OSBPL8: variants seen among roughly 807,000 people sequenced by gnomAD.
OSBPL8 encodes the protein oxysterol binding protein like 8.
In OSBPL8, 59 loss-of-function variants were observed where a neutral mutation model predicts 125.5. That is an observed-to-expected ratio of 0.47 (90% confidence interval 0.38 to 0.58). The LOEUF is 0.58. Ranked by LOEUF, OSBPL8 falls within the 20% of genes least tolerant of loss-of-function variation. The pLI, the probability that OSBPL8 is intolerant of heterozygous loss-of-function variation, is 0.00. For missense variants in OSBPL8, 758 were observed against 1,047.8 expected, an observed-to-expected ratio of 0.72 and a Z score of 3.82; for synonymous variants, 330 against 338.9, an observed-to-expected ratio of 0.97 and a Z score of 0.29.
chr12:76,393,135 G>A (rs890993346), intron 9 of OSBPL8, among the ~76,000 whole-genome samples: 9 of 152,098 alleles, frequency 5.9e-5, no homozygotes, highest in African/African-American at 1.9e-4. Context: ...TTTGTTAATA[G>A]GAGGTCTATC....
intron 1 of OSBPL8, among the ~76,000 whole-genome samples, chr12:76,516,809 T>C (rs1881579847): frequency 6.7e-6 from 1 of 148,576 alleles, no homozygotes; most frequent in African/African-American, 2.5e-5. Flanking sequence ...TTCCTTTTCT[T>C]TTCTTTTCTT....
At chr12:76,467,851 C>T (rs1190817157) in intron 2 of OSBPL8, among the ~76,000 whole-genome samples, 2 of 152,174 alleles carry the variant, frequency 1.3e-5, no homozygotes, top group Non-Finnish European at 2.9e-5. Flanking sequence ...TCACCATACA[C>T]AGAAGACAGT....
chr12:76,389,584 T>C (rs1236776541), intron 12 of OSBPL8, 61 bp downstream of exon 12: 2 of 1,275,328 alleles, frequency 1.6e-6, no homozygotes, highest in South Asian at 1.9e-5. Flanking sequence ...GAAAATAGCA[T>C]TCTTGAGAAT....
At chr12:76,486,874 A>G (rs1481908402) in intron 2 of OSBPL8, among the ~76,000 whole-genome samples, 1 of 152,136 alleles carries the variant, frequency 6.6e-6, no homozygotes, top group Non-Finnish European at 1.5e-5. Context: ...ACTTAAGACA[A>G]AGAGGTTTTG....
intron 4 of OSBPL8, among the ~76,000 whole-genome samples, chr12:76,448,757 G>A (rs1367949468): frequency 6.6e-6 from 1 of 152,204 alleles, no homozygotes; most frequent in Non-Finnish European, 1.5e-5. Flanking sequence ...GCTCACGCCT[G>A]TAATCCCAGC....
chr12:76,538,059 G>A lies in OSBPL8; in HGVS notation c.-68+21338C>T, dbSNP rs540745842. On this transcript the variant is annotated intron_variant, in intron 1 of 23. Transcript: ENST00000261183. ...TGAGAAAGGCTGTTATATAGTGGCA[G>A]TCAGCTAACTAACAAGGTTTTATCT... 6 of 152,316 alleles carry A rather than the reference G, an allele frequency of 3.9e-5. No homozygotes were observed. In the East Asian group the frequency reaches 1.2e-3, roughly 29 times the overall value. The allele number at this position is 152,316 out of a possible 1,614,324, so 9.4% of individuals were successfully genotyped here.
chr12:76,433,406 T>C (rs1388295767), intron 4 of OSBPL8, among the ~76,000 whole-genome samples: 1 of 152,018 alleles, frequency 6.6e-6, no homozygotes, highest in African/African-American at 2.4e-5. Flanking sequence ...GTGGTGTTTC[T>C]ATACATAATG....
Position 76,390,457 on chromosome 12 carries a change from G to C in OSBPL8, c.1130C>G (p.Thr377Ser). The C allele has an allele frequency of 6.2e-7, 1 of 1,613,770 alleles. No homozygotes were observed. Among genetic ancestry groups the C allele is most frequent in the Non-Finnish European group, 8.5e-7 (1 of 1,179,798 alleles). ...TTCATGGCTCTGTTCAGTGTAGGTA[G>C]TCTCCTTTAAAGGCTCAACAGGCTC... Reference protein sequence around the residue: ...EPEPVEPLKETTYTEQSHEEL... With the variant: ...EPEPVEPLKESTYTEQSHEEL... Residue 377 changes from threonine to serine, a missense_variant, in exon 11 of 24, where the codon ACT becomes AGT. Coordinates refer to ENST00000261183, the MANE Select transcript of OSBPL8 (RefSeq NM_020841.5).
At chr12:76,519,572 T>C (rs11613568) in intron 1 of OSBPL8, among the ~76,000 whole-genome samples, 13,538 of 152,246 alleles carry the variant, frequency 0.089, 681 homozygotes, top group Admixed American at 0.12. Flanking sequence ...TGTATTATAC[T>C]GTTCTTGCAG....
chr12:76,424,336 G>C (rs1165091467), intron 4 of OSBPL8, among the ~76,000 whole-genome samples: 1 of 152,012 alleles, frequency 6.6e-6, no homozygotes, highest in Non-Finnish European at 1.5e-5. Flanking sequence ...ATTCTTTCTT[G>C]GGCAAAGGCA....
chr12:76,517,004 G>A (rs746455680), intron 1 of OSBPL8, among the ~76,000 whole-genome samples: 1 of 151,942 alleles, frequency 6.6e-6, no homozygotes, highest in Non-Finnish European at 1.5e-5. Context: ...AGTAGCGATG[G>A]GGTTTCACCA....
chr12:76,393,798 C>T (rs1044378921), intron 9 of OSBPL8, among the ~76,000 whole-genome samples: 2 of 149,700 alleles, frequency 1.3e-5, no homozygotes, highest in African/African-American at 2.5e-5. Flanking sequence ...CCGAGGCAAG[C>T]GAATCATGAG....
At chr12:76,442,460 A>G (rs1481664229) in intron 4 of OSBPL8, among the ~76,000 whole-genome samples, 3 of 152,294 alleles carry the variant, frequency 2.0e-5, no homozygotes, top group East Asian at 3.9e-4. Flanking sequence ...CTATTTTTAA[A>G]CATAACTTGA....
chr12:76,546,012 A>G (rs1950772735), intron 1 of OSBPL8, among the ~76,000 whole-genome samples: 1 of 152,278 alleles, frequency 6.6e-6, no homozygotes, highest in South Asian at 2.1e-4. Flanking sequence ...GACTGAAAAC[A>G]CTGGATTCGT....
At position 76,479,345 on chromosome 12, in the gene OSBPL8, C is replaced by A. The variant is rs577923740; in HGVS notation, c.42+8165G>T. ...AATATATCCACCCACTACATGCACA[C>A]AAAATTTTTTTAAAAATTAAAATAG... On this transcript the variant is annotated intron_variant, in intron 2 of 23. Coordinates refer to ENST00000261183, the MANE Select transcript of OSBPL8 (RefSeq NM_020841.5). Among the ~76,000 whole-genome samples the A allele has an allele frequency of 4.1e-4, 62 of 152,194 alleles. 4 individuals carry two copies. The South Asian group carries it at 0.013, about 31-fold the overall frequency.
Position 76,542,087 on chromosome 12 carries a change from C to T in OSBPL8, c.-68+17310G>A, listed in dbSNP as rs370092738. ...ACGGGAGGCTGAGGCAGGAGAATCGCTTGAACCCAGAAGGCAGAGGTTGTG... is the reference window on the plus strand; with the variant it reads ...ACGGGAGGCTGAGGCAGGAGAATCGTTTGAACCCAGAAGGCAGAGGTTGTG... On this transcript the variant is annotated intron_variant, in intron 1 of 23. Coordinates refer to ENST00000261183, the MANE Select transcript of OSBPL8 (RefSeq NM_020841.5). Among the ~76,000 whole-genome samples, 7 of 152,164 alleles carry T rather than the reference C, an allele frequency of 4.6e-5. No homozygotes were observed. In the South Asian group the frequency reaches 1.5e-3, roughly 32 times the overall value.
intron 1 of OSBPL8, among the ~76,000 whole-genome samples, chr12:76,540,838 T>C (rs369394049): frequency 6.6e-6 from 1 of 152,182 alleles, no homozygotes; most frequent in Non-Finnish European, 1.5e-5. Flanking sequence ...TCACATCAAA[T>C]GTGGTCTTCC....
chr12:76,358,388 G>A (rs1952070278), intron 22 of OSBPL8, among the ~76,000 whole-genome samples: 1 of 152,058 alleles, frequency 6.6e-6, no homozygotes, highest in African/African-American at 2.4e-5. Context: ...CCCCATGTTA[G>A]CCAGGCTGGT....
intron 1 of OSBPL8, among the ~76,000 whole-genome samples, chr12:76,498,725 CTTTTTTTT>C (rs369287376): frequency 2.9e-5 from 3 of 102,498 alleles, no homozygotes; most frequent in African/African-American, 1.2e-4. Flanking sequence ...AGCCTCCCCA[CTTTTTTTT>C]TTTTTTTTTT....
Sources: allele counts gnomAD v4.1 joint callset (sites outside exome capture counted in the v4.1 genomes callset), GRCh38; gene constraint gnomAD v4.1.1; transcripts MANE v1.5; gene names NCBI Gene and HGNC (gene_info 2026-07-23, HGNC 2026-07-21).